The following POU6F2 variants were observed in gnomAD, a reference collection of about 807,000 sequenced individuals.
POU6F2 encodes POU domain, class 6, transcription factor 2.
POU6F2 carries 31 observed loss-of-function variants against 71.3 expected under a neutral mutation model. The observed-to-expected ratio is 0.43, with a 90% CI of 0.33 to 0.59. POU6F2 has a LOEUF of 0.59. POU6F2 is among the 20% of genes least tolerant of loss of function. The probability of loss-of-function intolerance (pLI) is 0.04; values close to 1 mark genes in which losing one functional copy is unlikely to be tolerated. For missense variants in POU6F2, 783 were observed against 856.8 expected (o/e 0.91, Z 1.07); for synonymous variants, 347 against 355.7 (o/e 0.98, Z 0.27).
At chr7:39,036,109 C>T (rs1468314868) in intron 1 of POU6F2, among the ~76,000 whole-genome samples, 1 of 152,086 alleles carries the variant, frequency 6.6e-6, no homozygotes, top group Non-Finnish European at 1.5e-5. Flanking sequence ...AGCTCATTTG[C>T]AAGGAGTACA....
rs73695680 is a variant in POU6F2 at position 39,193,299 on chromosome 7, G to C, written c.278-10936G>C. Among the ~76,000 whole-genome samples the C allele has an allele frequency of 2.5e-3, 376 of 152,156 alleles. 2 individuals are homozygous for C. Among genetic ancestry groups the C allele is most frequent in the African/African-American group, 8.8e-3 (366 of 41,508 alleles). ...GCACAGGAAAAGGATGTCTCTGGTG[G>C]GACCCACTCTTCCCCTTCCCCCACT... On this transcript the variant is annotated intron_variant, in intron 2 of 9. Transcript: ENST00000518318.
intron 1 of POU6F2, among the ~76,000 whole-genome samples, chr7:39,033,743 G>A (rs1789999817): frequency 6.6e-6 from 1 of 152,166 alleles, no homozygotes; most frequent in Non-Finnish European, 1.5e-5. Flanking sequence ...ACAGCCTAGT[G>A]TCTCATCGCT....
chr7:39,454,758 C>G, intron 8 of POU6F2, among the ~76,000 whole-genome samples: 1 of 127,408 alleles, frequency 7.8e-6, no homozygotes, highest in African/African-American at 2.9e-5. Flanking sequence ...CTTATTACAT[C>G]ACAATATCAC....
At chr7:39,196,414 A>G (rs1793788262) in intron 2 of POU6F2, among the ~76,000 whole-genome samples, 1 of 152,188 alleles carries the variant, frequency 6.6e-6, no homozygotes, top group Non-Finnish European at 1.5e-5. Context: ...TTATTGGGGA[A>G]AAAAAGCCAT....
chr7:39,432,576 G>C (rs959780946), intron 6 of POU6F2, among the ~76,000 whole-genome samples: 1 of 152,080 alleles, frequency 6.6e-6, no homozygotes, highest in Admixed American at 6.5e-5. Context: ...TGGGGGTATC[G>C]GGGAGCCCCT....
At chr7:39,370,537 G>C (rs1786586578) in intron 5 of POU6F2, among the ~76,000 whole-genome samples, 1 of 152,206 alleles carries the variant, frequency 6.6e-6, no homozygotes, top group Non-Finnish European at 1.5e-5. Flanking sequence ...ATCAGTAGTA[G>C]TTATTCAATT....
At chr7:38,990,068 T>C (rs1788567126) in intron 1 of POU6F2, among the ~76,000 whole-genome samples, 1 of 152,156 alleles carries the variant, frequency 6.6e-6, no homozygotes, top group Admixed American at 6.6e-5. Flanking sequence ...ATTTGCAAGA[T>C]AAGTTTGTTT....
intron 1 of POU6F2, among the ~76,000 whole-genome samples, chr7:39,057,862 G>T (rs1215852402): frequency 6.6e-6 from 1 of 152,098 alleles, no homozygotes; most frequent in African/African-American, 2.4e-5. Context: ...TATAGTAAGT[G>T]GTTTTTACTA....
At chr7:39,373,533 G>A in intron 5 of POU6F2, 1 of 456,666 alleles carries the variant, frequency 2.2e-6, no homozygotes, top group South Asian at 1.5e-5. Context: ...GAAGAATTTG[G>A]TACTTCACTT....
chr7:39,006,766 C>T (rs1202161723), intron 1 of POU6F2: 2 of 1,356,794 alleles, frequency 1.5e-6, no homozygotes, highest in Non-Finnish European at 2.1e-6. Context: ...GGCATGAACT[C>T]TCTTGGGTTG....
intron 2 of POU6F2, among the ~76,000 whole-genome samples, chr7:39,112,970 CA>C (rs1009769199): frequency 1.1e-3 from 165 of 147,584 alleles, no homozygotes; most frequent in Non-Finnish European, 2.1e-3. Flanking sequence ...TGCATTTTTA[CA>C]AAAAAAAAAT....
chr7:39,365,641 A>G (rs1786486019), intron 5 of POU6F2, among the ~76,000 whole-genome samples: 1 of 152,222 alleles, frequency 6.6e-6, no homozygotes, highest in Admixed American at 6.5e-5. Flanking sequence ...TACATCTGAC[A>G]AAGGACTAAT....
intron 5 of POU6F2, among the ~76,000 whole-genome samples, chr7:39,342,282 A>T (rs3823620): frequency 0.56 from 85,457 of 151,930 alleles, 24,215 homozygotes; most frequent in East Asian, 0.74. Flanking sequence ...TTTAAAAAAA[A>T]TTTTTACACT....
chr7:39,174,530 T>A (rs1049565884), intron 2 of POU6F2, among the ~76,000 whole-genome samples: 1 of 152,214 alleles, frequency 6.6e-6, no homozygotes, highest in African/African-American at 2.4e-5. Context: ...CAAACTTATC[T>A]GCAGTCACGT....
intron 2 of POU6F2, among the ~76,000 whole-genome samples, chr7:39,185,974 G>A (rs760682394): frequency 6.6e-6 from 1 of 151,768 alleles, no homozygotes; most frequent in African/African-American, 2.4e-5. Context: ...GCAGCAGCAC[G>A]ATCTTGGCTC....
chr7:39,174,906 C>T (rs1424026202), intron 2 of POU6F2, among the ~76,000 whole-genome samples: 3 of 152,206 alleles, frequency 2.0e-5, no homozygotes, highest in Non-Finnish European at 2.9e-5. Context: ...ATTCCACCCA[C>T]CATCACAATG....
intron 2 of POU6F2, among the ~76,000 whole-genome samples, chr7:39,178,975 G>A (rs1435242622): frequency 6.6e-6 from 1 of 152,132 alleles, no homozygotes; most frequent in Non-Finnish European, 1.5e-5. Flanking sequence ...TCATTAAAGG[G>A]ATGAGACGTG....
At chr7:39,388,536 G>A (rs562345870) in intron 5 of POU6F2, among the ~76,000 whole-genome samples, 27 of 152,158 alleles carry the variant, frequency 1.8e-4, no homozygotes, top group African/African-American at 6.5e-4. Flanking sequence ...GGCTGGTCTC[G>A]AACTCCTGAC....
chr7:39,146,518 G>A (rs1792629910), intron 2 of POU6F2, among the ~76,000 whole-genome samples: 4 of 152,186 alleles, frequency 2.6e-5, no homozygotes, highest in Admixed American at 2.6e-4. Context: ...GGTAAGGTGA[G>A]CACACCCAAA....
Sources: allele counts gnomAD v4.1 joint callset (sites outside exome capture counted in the v4.1 genomes callset), GRCh38; gene constraint gnomAD v4.1.1; transcripts MANE v1.5; gene names NCBI Gene and HGNC (gene_info 2026-07-23, HGNC 2026-07-21).